The following SCN11A variants were observed in gnomAD, a reference collection of about 807,000 sequenced individuals.
SCN11A encodes sodium channel protein type 11 subunit alpha.
Under a neutral mutation model 162.2 loss-of-function variants are expected in SCN11A, and 122 were observed. The observed-to-expected ratio is 0.75, with a 90% CI of 0.65 to 0.87. The LOEUF (loss-of-function observed/expected upper bound fraction) is 0.87. Among genes scored for constraint, SCN11A ranks in the 40% least tolerant of loss-of-function variants. SCN11A has a pLI of 0.00. For synonymous variants in SCN11A, 758 were observed against 751.5 expected, an observed-to-expected ratio of 1.01 and a Z score of -0.14; for missense variants, 2,015 against 2,181.6, an observed-to-expected ratio of 0.92 and a Z score of 1.52.
intron 2 of SCN11A, among the ~76,000 whole-genome samples, chr3:39,025,143 G>A (rs1054926701): frequency 3.9e-5 from 6 of 151,998 alleles, no homozygotes; most frequent in Admixed American, 1.3e-4. Context: ...AACCCCTGGG[G>A]AAGAGCAATT....
Position 38,935,158 on chromosome 3 carries a change from T to A in SCN11A, c.489-8227A>T, listed in dbSNP as rs184138233. Among the ~76,000 whole-genome samples the A allele has an allele frequency of 6.3e-3, 957 of 152,096 alleles. 6 individuals carry two copies. Among genetic ancestry groups the A allele is most frequent in the Non-Finnish European group, 0.012 (799 of 68,000 alleles). On this transcript the variant is annotated intron_variant, in intron 7 of 29. Coordinates refer to ENST00000302328, the MANE Select transcript of SCN11A (RefSeq NM_001349253.2). ...GTACATAACGAAATGAAGGCAGAAA[T>A]AAAGATGTTCTTTGAAACCAACGAG...
intron 5 of SCN11A, among the ~76,000 whole-genome samples, chr3:38,949,717 T>C (rs1249679948): frequency 6.6e-6 from 1 of 152,212 alleles, no homozygotes; most frequent in African/African-American, 2.4e-5. Context: ...ATTATACAGA[T>C]TTTAAAAGTG....
At chr3:39,027,746 T>C (rs2031627116) in intron 2 of SCN11A, among the ~76,000 whole-genome samples, 1 of 152,216 alleles carries the variant, frequency 6.6e-6, no homozygotes, top group South Asian at 2.1e-4. Flanking sequence ...GGAGAGTTCT[T>C]CCTTAGCTGG....
intron 2 of SCN11A, among the ~76,000 whole-genome samples, chr3:39,005,184 T>C (rs943311345): frequency 1.3e-5 from 2 of 152,240 alleles, no homozygotes; most frequent in African/African-American, 4.8e-5. Context: ...GAGTTGATTT[T>C]TAACTACTGG....
chr3:38,905,103 T>C, intron 15 of SCN11A, 89 bp downstream of exon 15: 2 of 1,565,572 alleles, frequency 1.3e-6, no homozygotes, highest in Non-Finnish European at 1.8e-6. Flanking sequence ...CAGCCTCCTT[T>C]GCAGAGGGCT....
intron 18 of SCN11A, 55 bp from the exon 19 acceptor site, chr3:38,895,019 T>A (rs1358149170): frequency 3.3e-6 from 5 of 1,496,628 alleles, no homozygotes; most frequent in Non-Finnish European, 4.5e-6. Flanking sequence ...GGAAAAGATA[T>A]AGTGGGTTTC....
chr3:38,851,594 A>G (rs2064780128), intron 28 of SCN11A, among the ~76,000 whole-genome samples: 2 of 152,244 alleles, frequency 1.3e-5, no homozygotes, highest in African/African-American at 4.8e-5. Flanking sequence ...GTGGAAAACT[A>G]TTCCTAAATA....
At chr3:38,963,473 A>G in intron 2 of SCN11A, among the ~76,000 whole-genome samples, 1 of 141,942 alleles carries the variant, frequency 7.0e-6, no homozygotes, top group Non-Finnish European at 1.5e-5. Context: ...TATATGATGG[A>G]GATATATATA....
Position 38,949,969 on chromosome 3 carries a change from C to T in SCN11A, c.267+127G>A, listed in dbSNP as rs2066577014. On this transcript the variant is annotated intron_variant, in intron 5 of 29. Transcript: ENST00000302328. Reference sequence around the variant, plus strand: ...TCAAGGCAATGCCAGGGGATGACAGCAAAGAAGAGGCACAGCCTGCCTGCT... The same window carrying T: ...TCAAGGCAATGCCAGGGGATGACAGTAAAGAAGAGGCACAGCCTGCCTGCT... 37 of 651,352 alleles carry T rather than the reference C, an allele frequency of 5.7e-5. 1 individual carries two copies. In the South Asian group the frequency reaches 6.8e-4, roughly 12 times the overall value. 40.3% of individuals were successfully genotyped at this position (651,352 alleles called of 1,614,324 possible).
intron 1 of SCN11A, among the ~76,000 whole-genome samples, chr3:39,045,069 C>T (rs1216505935): frequency 6.6e-6 from 1 of 152,082 alleles, no homozygotes; most frequent in Non-Finnish European, 1.5e-5. Flanking sequence ...AATTCCTGGA[C>T]ACACGCAACC....
chr3:39,040,630 C>A (rs2032027096), intron 1 of SCN11A, among the ~76,000 whole-genome samples: 1 of 152,122 alleles, frequency 6.6e-6, no homozygotes, highest in Non-Finnish European at 1.5e-5. Flanking sequence ...CAAATGAAAT[C>A]AGGAAAACAT....
intron 11 of SCN11A, among the ~76,000 whole-genome samples, chr3:38,915,254 C>T (rs1271838186): frequency 1.3e-5 from 2 of 151,982 alleles, no homozygotes; most frequent in East Asian, 1.9e-4. Context: ...GTGTTTTTAG[C>T]AGTTTTTAAT....
At chr3:38,874,426 T>C (rs1169452027) in intron 23 of SCN11A, among the ~76,000 whole-genome samples, 1 of 152,100 alleles carries the variant, frequency 6.6e-6, no homozygotes, top group Non-Finnish European at 1.5e-5. Flanking sequence ...GGTAAAACCC[T>C]GTCTCCATAA....
At chr3:38,929,954 A>G (rs1158494355) in intron 7 of SCN11A, among the ~76,000 whole-genome samples, 3 of 152,330 alleles carry the variant, frequency 2.0e-5, no homozygotes, top group African/African-American at 7.2e-5. Context: ...TTCTTTACAA[A>G]TTATCCAGTC....
chr3:38,948,453 G>C (rs1038691908), intron 5 of SCN11A, among the ~76,000 whole-genome samples: 1 of 152,128 alleles, frequency 6.6e-6, no homozygotes, highest in Non-Finnish European at 1.5e-5. Context: ...TCTTTCCCCT[G>C]TTGCTCTTCA....
chr3:38,877,051 A>G (rs868683124), intron 23 of SCN11A, among the ~76,000 whole-genome samples: 2 of 16,844 alleles, frequency 1.2e-4, no homozygotes, highest in African/African-American at 2.4e-4. Flanking sequence ...TGGTGTATAT[A>G]CTATATATAT....
intron 7 of SCN11A, among the ~76,000 whole-genome samples, chr3:38,938,501 A>G (rs2066373345): frequency 7.5e-6 from 1 of 133,088 alleles, no homozygotes; most frequent in Non-Finnish European, 1.6e-5. Flanking sequence ...AGGCAGAAGG[A>G]AAAATATCAT....
At chr3:38,926,041 A>G (rs1348015989) in intron 8 of SCN11A, among the ~76,000 whole-genome samples, 3 of 152,268 alleles carry the variant, frequency 2.0e-5, no homozygotes, top group Non-Finnish European at 4.4e-5. Context: ...TTAAATAGGA[A>G]AAAATATGCA....
At chr3:38,893,420 G>T (rs2126115005) in intron 19 of SCN11A, among the ~76,000 whole-genome samples, 1 of 152,148 alleles carries the variant, frequency 6.6e-6, no homozygotes, top group East Asian at 1.9e-4. Context: ...ATAAACATTG[G>T]AGATCTCAAT....
Sources: allele counts gnomAD v4.1 joint callset (sites outside exome capture counted in the v4.1 genomes callset), GRCh38; gene constraint gnomAD v4.1.1; transcripts MANE v1.5; gene names NCBI Gene and HGNC (gene_info 2026-07-23, HGNC 2026-07-21).